Variants in PDGFRL observed in about 807,000 individuals in gnomAD.
PDGFRL encodes the protein platelet-derived growth factor receptor-like protein.
A neutral mutation model predicts 37.2 loss-of-function variants in PDGFRL; 46 were observed. That is an observed-to-expected ratio of 1.24 (90% CI 0.98 to 1.58). The LOEUF is 1.58. Ranked by LOEUF, PDGFRL falls within the 40% of genes most tolerant of loss-of-function variation. The pLI is 0.00. For missense variants in PDGFRL, 692 were observed against 467.6 expected (o/e 1.48, Z -4.43); for synonymous variants, 251 against 184.3 (o/e 1.36, Z -2.93).
intron 2 of PDGFRL, among the ~76,000 whole-genome samples, chr8:17,594,391 C>T (rs1804007648): frequency 6.6e-6 from 1 of 151,318 alleles, no homozygotes; most frequent in Admixed American, 6.6e-5. Flanking sequence ...CAGGCACACA[C>T]CACCACACTC....
At chr8:17,613,954 C>T (rs1804472596) in intron 2 of PDGFRL, among the ~76,000 whole-genome samples, 2 of 152,192 alleles carry the variant, frequency 1.3e-5, no homozygotes, top group East Asian at 1.9e-4. Flanking sequence ...CCACATTTCA[C>T]AACGTAACTG....
intron 5 of PDGFRL, among the ~76,000 whole-genome samples, chr8:17,641,290 A>C (rs79013077): frequency 0.051 from 7,757 of 152,160 alleles, 410 homozygotes; most frequent in East Asian, 0.24. Flanking sequence ...TCACCCCCTC[A>C]CCCGAGTTCT....
chr8:17,609,665 A>AAAAAAAAAAAAAAAAT (rs869133686), intron 2 of PDGFRL, among the ~76,000 whole-genome samples: 1 of 97,524 alleles, frequency 1.0e-5, no homozygotes. Context: ...AAAAAAAAAA[A>AAAAAAAAAAAAAAAAT]TAAGAGCCAA....
At chr8:17,640,929 T>C (rs1363328718) in intron 5 of PDGFRL, among the ~76,000 whole-genome samples, 2 of 151,712 alleles carry the variant, frequency 1.3e-5, no homozygotes, top group East Asian at 1.9e-4. Flanking sequence ...TCAGACACTC[T>C]CCTTGGGCGG....
intron 3 of PDGFRL, among the ~76,000 whole-genome samples, chr8:17,621,846 AT>A (rs1193682663): frequency 6.6e-6 from 1 of 151,744 alleles, no homozygotes; most frequent in Non-Finnish European, 1.5e-5. Context: ...TTGTTTTTTG[AT>A]TTTTCGGTAG....
chr8:17,627,989 CTTTTT>C (rs35707610), intron 3 of PDGFRL, among the ~76,000 whole-genome samples: 1 of 89,250 alleles, frequency 1.1e-5, no homozygotes, highest in Non-Finnish European at 2.0e-5. Flanking sequence ...TTCTTTCTTT[CTTTTT>C]TTTTTTTTTT....
At chr8:17,621,325 C>T (rs1193919683) in intron 3 of PDGFRL, 123 bp downstream of exon 3, 2 of 592,770 alleles carry the variant, frequency 3.4e-6, no homozygotes, top group African/African-American at 1.9e-5. Flanking sequence ...GTTTGCCAGG[C>T]TCTGGGCTAA....
Position 17,578,878 on chromosome 8 carries a change from T to A in PDGFRL, c.55+1571T>A, listed in dbSNP as rs183613382. ...GAAATAGTTCATAAATTTTAGGTGA[T>A]AATAGCACGAAGATTTTGTTTATAA... is the stretch of plus-strand genomic sequence containing the variant. On this transcript the variant is annotated intron_variant, in intron 1 of 5. Coordinates refer to ENST00000251630, the MANE Select transcript of PDGFRL (RefSeq NM_001372073.1). Among the ~76,000 whole-genome samples the A allele has an allele frequency of 2.2e-4, 34 of 152,242 alleles. No individual in the cohort carries two copies. The East Asian group carries it at 4.5e-3, about 20-fold the overall frequency.
At chr8:17,591,687 G>A (rs1053393021) in intron 2 of PDGFRL, among the ~76,000 whole-genome samples, 5 of 152,238 alleles carry the variant, frequency 3.3e-5, no homozygotes, top group Admixed American at 2.0e-4. Context: ...AGGCCAAGGC[G>A]GGCGGATCGT....
chr8:17,578,213 A>G (rs1347306698), intron 1 of PDGFRL, among the ~76,000 whole-genome samples: 1 of 152,146 alleles, frequency 6.6e-6, no homozygotes, highest in Non-Finnish European at 1.5e-5. Context: ...TTCCTGGGCT[A>G]CAACACAATT....
chr8:17,626,726 T>C (rs1303578296), intron 3 of PDGFRL, among the ~76,000 whole-genome samples: 1 of 152,088 alleles, frequency 6.6e-6, no homozygotes, highest in Non-Finnish European at 1.5e-5. Flanking sequence ...AAGGATTCAA[T>C]GTACCATGCC....
At chr8:17,617,164 T>G (rs1267014087) in intron 2 of PDGFRL, among the ~76,000 whole-genome samples, 1 of 152,132 alleles carries the variant, frequency 6.6e-6, no homozygotes. Context: ...TTGAACACTT[T>G]CACTTTGAAA....
chr8:17,642,548 T>A (rs2129878052), intron 5 of PDGFRL, 65 bp from the exon 6 acceptor site: 1 of 933,822 alleles, frequency 1.1e-6, no homozygotes, highest in African/African-American at 1.6e-5. Flanking sequence ...CAGTGTTGGG[T>A]GAGTGGGAGC....
At chr8:17,598,742 A>G (rs1804104434) in intron 2 of PDGFRL, among the ~76,000 whole-genome samples, 1 of 152,086 alleles carries the variant, frequency 6.6e-6, no homozygotes, top group Non-Finnish European at 1.5e-5. Flanking sequence ...TAATTCCCAC[A>G]TGTTGTGGGA....
At chr8:17,607,884 G>A (rs553249240) in intron 2 of PDGFRL, among the ~76,000 whole-genome samples, 2 of 152,232 alleles carry the variant, frequency 1.3e-5, no homozygotes, top group African/African-American at 2.4e-5. Flanking sequence ...GTATAATTGT[G>A]TAGAATGGCA....
chr8:17,620,592 C>A (rs893359622), intron 2 of PDGFRL, among the ~76,000 whole-genome samples: 2 of 152,144 alleles, frequency 1.3e-5, no homozygotes, highest in African/African-American at 2.4e-5. Flanking sequence ...TTGTATTGCT[C>A]ATTCCTTGAG....
chr8:17,640,523 C>T (rs1805069405), intron 5 of PDGFRL, among the ~76,000 whole-genome samples: 1 of 152,212 alleles, frequency 6.6e-6, no homozygotes, highest in South Asian at 2.1e-4. Context: ...TTCCTGAGAG[C>T]CAAACTGCAG....
intron 3 of PDGFRL, among the ~76,000 whole-genome samples, chr8:17,623,022 C>G (rs1015672400): frequency 3.9e-5 from 6 of 152,204 alleles, no homozygotes; most frequent in Admixed American, 3.3e-4. Flanking sequence ...CCCGTATCTG[C>G]TTAGGAGAGT....
In PDGFRL at chr8:17,583,627, T is replaced by C. The variant is rs1803754352; in HGVS notation, c.56-5841T>C. Among the ~76,000 whole-genome samples the C allele has an allele frequency of 2.6e-5, 4 of 152,150 alleles. No homozygotes were observed. In the South Asian group the frequency reaches 8.3e-4, roughly 31 times the overall value. On this transcript the variant is annotated intron_variant, in intron 1 of 5. Coordinates refer to ENST00000251630, the MANE Select transcript of PDGFRL (RefSeq NM_001372073.1). ...CTCCTAACCTCATGTTGAAATTTGA[T>C]CACCAGTGTTGGTGGTGGGGCCTAA...
Sources: gnomAD v4.1 joint callset for allele counts (sites outside exome capture counted in the v4.1 genomes callset) on GRCh38, gnomAD v4.1.1 for gene constraint, MANE v1.5 for transcripts, NCBI Gene and HGNC (gene_info 2026-07-23, HGNC 2026-07-21) for gene names.